EBF1: variants seen among roughly 807,000 people sequenced by gnomAD.
EBF1 encodes the protein EBF transcription factor 1.
Under a neutral mutation model 68.4 loss-of-function variants are expected in EBF1, and 10 were observed. The ratio of observed to expected loss-of-function variants is 0.15; its 90% CI spans 0.09 to 0.25. EBF1 has a LOEUF of 0.25. Ranked by LOEUF, EBF1 falls within the 10% of genes least tolerant of loss-of-function variation. The pLI, the probability that EBF1 is intolerant of heterozygous loss-of-function variation, is 1.00. For synonymous variants in EBF1, 298 were observed against 299.8 expected (o/e 0.99, Z 0.06); for missense variants, 509 against 794.4 (o/e 0.64, Z 4.32).
intron 10 of EBF1, among the ~76,000 whole-genome samples, chr5:158,739,671 C>T (rs1286982047): frequency 6.6e-6 from 1 of 152,178 alleles, no homozygotes; most frequent in African/African-American, 2.4e-5. Flanking sequence ...TCTTTCTTAA[C>T]ATTTAAGGAT....
At chr5:158,748,415 C>T (rs760841631) in intron 10 of EBF1, among the ~76,000 whole-genome samples, 6 of 152,198 alleles carry the variant, frequency 3.9e-5, no homozygotes, top group African/African-American at 1.2e-4. Flanking sequence ...ATTAACTGCT[C>T]ATAACCCAGA....
chr5:159,027,658 C>G (rs552984948), intron 6 of EBF1, among the ~76,000 whole-genome samples: 2 of 152,284 alleles, frequency 1.3e-5, no homozygotes, highest in South Asian at 4.2e-4. Context: ...TATCCCAAAA[C>G]GTTAGTTCTT....
intron 4 of EBF1, among the ~76,000 whole-genome samples, chr5:159,090,509 A>T (rs1422109186): frequency 1.3e-5 from 2 of 152,216 alleles, no homozygotes; most frequent in African/African-American, 4.8e-5. Context: ...GCCCGTTTTC[A>T]GAAGTGAATT....
chr5:158,800,580 T>C (rs1369979359), intron 8 of EBF1, among the ~76,000 whole-genome samples: 1 of 152,156 alleles, frequency 6.6e-6, no homozygotes, highest in Non-Finnish European at 1.5e-5. Context: ...AAATTACATT[T>C]TAAAAAAGGA....
intron 6 of EBF1, among the ~76,000 whole-genome samples, chr5:158,955,266 T>C (rs1318335390): frequency 6.6e-6 from 1 of 151,554 alleles, no homozygotes; most frequent in Non-Finnish European, 1.5e-5. Context: ...GGGGTTGTAG[T>C]GAGCCGAGAT....
intron 10 of EBF1, among the ~76,000 whole-genome samples, chr5:158,736,131 A>G (rs765379976): frequency 2.0e-5 from 3 of 152,222 alleles, no homozygotes; most frequent in South Asian, 2.1e-4. Flanking sequence ...AACACATCAA[A>G]TAAAGGAAAT....
At chr5:159,050,058 G>A (rs1373251386) in intron 6 of EBF1, among the ~76,000 whole-genome samples, 1 of 152,104 alleles carries the variant, frequency 6.6e-6, no homozygotes, top group Non-Finnish European at 1.5e-5. Flanking sequence ...ACAGAAAGCA[G>A]GCCTTGGAAG....
intron 6 of EBF1, among the ~76,000 whole-genome samples, chr5:158,938,831 TAATG>T (rs1812641783): frequency 6.6e-6 from 1 of 152,192 alleles, no homozygotes; most frequent in Admixed American, 6.5e-5. Flanking sequence ...AGCTTTGAAA[TAATG>T]AATATTGGAA....
chr5:159,010,763 G>A (rs1032205984), intron 6 of EBF1, among the ~76,000 whole-genome samples: 3 of 152,192 alleles, frequency 2.0e-5, no homozygotes, highest in East Asian at 3.9e-4. Context: ...AAACGCATAA[G>A]GCTGGACCTG....
At chr5:158,856,314 G>A (rs1308352434) in intron 6 of EBF1, among the ~76,000 whole-genome samples, 1 of 152,182 alleles carries the variant, frequency 6.6e-6, no homozygotes, top group African/African-American at 2.4e-5. Context: ...AACGCTGAGA[G>A]TGTTTTGAGT....
chr5:158,978,625 A>AT (rs11358125), intron 6 of EBF1, among the ~76,000 whole-genome samples: 127 of 149,650 alleles, frequency 8.5e-4, no homozygotes, highest in Admixed American at 1.5e-3. Context: ...CAGTGACATC[A>AT]TTTTTTTTTT....
intron 6 of EBF1, among the ~76,000 whole-genome samples, chr5:158,936,171 G>A (rs1811980390): frequency 6.6e-6 from 1 of 152,166 alleles, no homozygotes; most frequent in Non-Finnish European, 1.5e-5. Flanking sequence ...CCAGCAAAGG[G>A]GAGGTGACAT....
intron 8 of EBF1, among the ~76,000 whole-genome samples, chr5:158,798,188 C>T (rs768681512): frequency 4.6e-5 from 7 of 152,164 alleles, no homozygotes; most frequent in African/African-American, 7.2e-5. Context: ...ACTCAGTCTA[C>T]TTAGTTGCTA....
chr5:159,096,284 C>A lies in EBF1; in HGVS notation c.355+59G>T. On this transcript the variant is annotated intron_variant, in intron 3 of 15. Coordinates refer to ENST00000313708, the MANE Select transcript of EBF1 (RefSeq NM_024007.5). ...GATTTCGTCCACCTGGAGCTCCCTGCGCCCCCTGCCCAGACCCGGAGCCCC... is the reference window on the plus strand; with the variant it reads ...GATTTCGTCCACCTGGAGCTCCCTGAGCCCCCTGCCCAGACCCGGAGCCCC... 25 of 1,538,152 alleles carry A rather than the reference C, an allele frequency of 1.6e-5. No homozygotes were observed. In the South Asian group the frequency reaches 2.8e-4, roughly 17 times the overall value.
intron 6 of EBF1, among the ~76,000 whole-genome samples, chr5:158,914,063 C>G (rs1218649193): frequency 1.3e-5 from 2 of 152,136 alleles, no homozygotes; most frequent in African/African-American, 2.4e-5. Context: ...GGGCCACACC[C>G]TGTCTTTCTC....
At chr5:159,032,543 C>T (rs1312592522) in intron 6 of EBF1, among the ~76,000 whole-genome samples, 1 of 152,192 alleles carries the variant, frequency 6.6e-6, no homozygotes, top group African/African-American at 2.4e-5. Context: ...GATCTCTTTT[C>T]TATACATTGT....
chr5:158,898,388 G>C (rs1378804201), intron 6 of EBF1, among the ~76,000 whole-genome samples: 1 of 152,194 alleles, frequency 6.6e-6, no homozygotes, highest in African/African-American at 2.4e-5. Context: ...ACTCATTGTA[G>C]TCAAATGTGC....
chr5:159,021,684 T>C (rs565143353), intron 6 of EBF1, among the ~76,000 whole-genome samples: 17 of 152,334 alleles, frequency 1.1e-4, no homozygotes, highest in Non-Finnish European at 2.4e-4. Context: ...TTGTCGGATG[T>C]TATTTACACC....
At chr5:158,839,982 G>A in intron 7 of EBF1, 47 bp downstream of exon 7, 1 of 1,564,536 alleles carries the variant, frequency 6.4e-7, no homozygotes, top group Non-Finnish European at 8.8e-7. Context: ...ATCCTCTCCT[G>A]ATATTCATGC....
Sources: allele counts gnomAD v4.1 joint callset (sites outside exome capture counted in the v4.1 genomes callset), GRCh38; gene constraint gnomAD v4.1.1; transcripts MANE v1.5; gene names NCBI Gene and HGNC (gene_info 2026-07-23, HGNC 2026-07-21).